COPG2: variants seen among roughly 807,000 people sequenced by gnomAD.
COPG2 encodes coatomer subunit gamma-2.
COPG2 carries 37 observed loss-of-function variants against 46.3 expected under a neutral mutation model. The observed-to-expected ratio is 0.80, with a 90% confidence interval of 0.61 to 1.05. COPG2 has a LOEUF of 1.05. Ranked by LOEUF, COPG2 falls within the 50% of genes least tolerant of loss-of-function variation. The pLI is 0.00. For missense variants in COPG2, 427 were observed against 387.8 expected (o/e 1.10, Z -0.85); for synonymous variants, 159 against 129.7 (o/e 1.23, Z -1.53).
At chr7:130,509,417 G>T (rs1247172181) in intron 20 of COPG2, 1 of 420,510 alleles carries the variant, frequency 2.4e-6, no homozygotes, top group Non-Finnish European at 4.7e-6. Flanking sequence ...AAGGCATTTA[G>T]GATCTTGTCT....
At chr7:130,506,908 TTTAGC>T in intron 23 of COPG2, 102 bp from the exon 24 acceptor site, 1 of 629,494 alleles carries the variant, frequency 1.6e-6, no homozygotes. Context: ...ATTAGTTTAG[TTTAGC>T]TTTTCCAGAG....
intron 9 of COPG2, chr7:130,610,608 A>AC (rs1794826483): frequency 1.9e-6 from 1 of 529,872 alleles, no homozygotes; most frequent in Non-Finnish European, 3.7e-6. Flanking sequence ...TAAATGCAGT[A>AC]CTTCAACATT....
At chr7:130,654,895 T>C (rs1235029545) in intron 4 of COPG2, among the ~76,000 whole-genome samples, 2 of 152,092 alleles carry the variant, frequency 1.3e-5, no homozygotes, top group African/African-American at 4.8e-5. Flanking sequence ...GCAGTGTAGT[T>C]TTCATTTTAT....
intron 9 of COPG2, among the ~76,000 whole-genome samples, chr7:130,584,656 A>G (rs1319382125): frequency 6.6e-6 from 1 of 152,070 alleles, no homozygotes; most frequent in East Asian, 1.9e-4. Flanking sequence ...GCTCTTCTAT[A>G]CACCAATAGC....
At chr7:130,559,082 T>TGTCCAAAGACATCATAAGAAAA (rs1793676960) in intron 12 of COPG2, among the ~76,000 whole-genome samples, 1 of 152,180 alleles carries the variant, frequency 6.6e-6, no homozygotes, top group Non-Finnish European at 1.5e-5. Context: ...CACTTTTGCA[T>TGTCCAAAGACATCATAAGAAAA]GTCCAAAGAC....
intron 5 of COPG2, among the ~76,000 whole-genome samples, chr7:130,623,904 C>T (rs1795077469): frequency 6.6e-6 from 1 of 152,012 alleles, no homozygotes; most frequent in South Asian, 2.1e-4. Context: ...TTGAGTCTTT[C>T]AGGAATATCT....
chr7:130,532,526 A>C (rs1799838314), intron 20 of COPG2, among the ~76,000 whole-genome samples: 1 of 152,016 alleles, frequency 6.6e-6, no homozygotes, highest in African/African-American at 2.4e-5. Flanking sequence ...GCAGGGCAGG[A>C]GAGTCAGGTT....
intron 9 of COPG2, among the ~76,000 whole-genome samples, chr7:130,594,630 C>G (rs1235189043): frequency 2.6e-5 from 4 of 152,086 alleles, no homozygotes; most frequent in Admixed American, 2.6e-4. Flanking sequence ...GGTTTAGTAT[C>G]CAACATATAC....
intron 5 of COPG2, among the ~76,000 whole-genome samples, chr7:130,631,042 C>T (rs1795218205): frequency 1.3e-5 from 2 of 152,024 alleles, no homozygotes; most frequent in African/African-American, 4.8e-5. Flanking sequence ...GCCATCTTTC[C>T]CTTTTAATTG....
At chr7:130,571,354 AAAC>A (rs1793894940) in intron 9 of COPG2, among the ~76,000 whole-genome samples, 1 of 152,214 alleles carries the variant, frequency 6.6e-6, no homozygotes, top group Non-Finnish European at 1.5e-5. Flanking sequence ...AGCAAGAAAA[AAAC>A]AAATAATCCC....
At chr7:130,578,809 A>G (rs1794069716) in intron 9 of COPG2, among the ~76,000 whole-genome samples, 1 of 149,992 alleles carries the variant, frequency 6.7e-6, no homozygotes, top group African/African-American at 2.4e-5. Flanking sequence ...AAAAGAATAA[A>G]AAGAAATGAG....
In COPG2 at chr7:130,625,349, C is replaced by T. The variant is rs1228312699; in HGVS notation, c.324-8284G>A. Reference sequence around the variant, plus strand: ...AATCACATCATCTAAAAACAGATAGCTTTACTTCTTTGTTAACTCATTCTT... The same window carrying T: ...AATCACATCATCTAAAAACAGATAGTTTTACTTCTTTGTTAACTCATTCTT... On this transcript the variant is annotated intron_variant, in intron 5 of 23. Coordinates refer to ENST00000425248, the MANE Select transcript of COPG2 (RefSeq NM_012133.6). 2.0e-5 allele frequency among the ~76,000 whole-genome samples: 3 copies of T among 152,126 alleles called. No homozygotes were observed. The East Asian group carries it at 5.8e-4, about 29-fold the overall frequency.
At chr7:130,556,060 C>T (rs1244809600) in intron 12 of COPG2, among the ~76,000 whole-genome samples, 1 of 152,056 alleles carries the variant, frequency 6.6e-6, no homozygotes, top group African/African-American at 2.4e-5. Flanking sequence ...GCCCCAATTC[C>T]CAAAGTGCAA....
intron 9 of COPG2, among the ~76,000 whole-genome samples, chr7:130,590,870 G>A (rs1201390346): frequency 4.7e-5 from 7 of 149,734 alleles, no homozygotes; most frequent in Non-Finnish European, 1.0e-4. Flanking sequence ...CAGCCGCCCC[G>A]TCTGAGAAGT....
intron 9 of COPG2, chr7:130,610,061 C>G (rs782718658): frequency 1.9e-6 from 1 of 518,208 alleles, no homozygotes; most frequent in South Asian, 1.4e-5. Context: ...ATCTGTAAGT[C>G]AGCTTCTACT....
chr7:130,523,226 T>C (rs985522234), intron 20 of COPG2, among the ~76,000 whole-genome samples: 1 of 150,390 alleles, frequency 6.6e-6, no homozygotes, highest in African/African-American at 2.5e-5. Flanking sequence ...GTGATTCTTA[T>C]CTGAGGTGGG....
Position 130,611,042 on chromosome 7 carries a change from A to G in COPG2, c.648T>C (p.Asn216=). The change falls in exon 9 of 24, where the codon AAT becomes AAC. Residue 216 remains asparagine, a synonymous_variant. Transcript: ENST00000425248. ...ACTTGAGACCAGATTTAGTAAACTT[A>G]TTCAACATCTTGGAAACAGCAAGTC... ...NDRLAVSKML[N]KFTKSGLKSQ... The G allele has an allele frequency of 6.2e-7, 1 of 1,613,938 alleles. No homozygotes were observed. The highest frequency in any genetic ancestry group is 2.2e-5 in the East Asian group (1 of 44,868).
At chr7:130,598,369 A>G (rs537338433) in intron 9 of COPG2, among the ~76,000 whole-genome samples, 6 of 152,302 alleles carry the variant, frequency 3.9e-5, no homozygotes, top group African/African-American at 1.4e-4. Context: ...ATCCTTGTAT[A>G]TAGTTCCACT....
At chr7:130,628,554 G>A in intron 5 of COPG2, among the ~76,000 whole-genome samples, 1 of 151,796 alleles carries the variant, frequency 6.6e-6, no homozygotes, top group East Asian at 1.9e-4. Flanking sequence ...TTTTGTTTTA[G>A]ACATACAGCT....
Sources: gnomAD v4.1 joint callset for allele counts (sites outside exome capture counted in the v4.1 genomes callset) on GRCh38, gnomAD v4.1.1 for gene constraint, MANE v1.5 for transcripts, NCBI Gene and HGNC (gene_info 2026-07-23, HGNC 2026-07-21) for gene names.